CCSER1: variants seen among roughly 807,000 people sequenced by gnomAD.
CCSER1 encodes coiled-coil serine rich protein 1, also known as serine-rich coiled-coil domain-containing protein 1.
A neutral mutation model predicts 82.0 loss-of-function variants in CCSER1; 41 were observed. The observed-to-expected ratio is 0.50, with a 90% CI of 0.39 to 0.65. CCSER1 has a LOEUF of 0.65. CCSER1 is among the 30% of genes least tolerant of loss of function. The probability of loss-of-function intolerance (pLI) is 0.00; values close to 1 mark genes in which losing one functional copy is unlikely to be tolerated. For synonymous variants in CCSER1, 414 were observed against 383.9 expected (o/e 1.08, Z -0.92); for missense variants, 1,119 against 1,064.2 (o/e 1.05, Z -0.72).
At chr4:90,305,550 G>A (rs928224975) in intron 1 of CCSER1, among the ~76,000 whole-genome samples, 1 of 152,130 alleles carries the variant, frequency 6.6e-6, no homozygotes, top group Non-Finnish European at 1.5e-5. Context: ...TCTAAGCTGT[G>A]AGGAAAATCA....
chr4:90,961,127 C>G (rs903024740), intron 9 of CCSER1, among the ~76,000 whole-genome samples: 1 of 152,146 alleles, frequency 6.6e-6, no homozygotes, highest in African/African-American at 2.4e-5. Context: ...GCTACTTTAT[C>G]CTGTTCTTTG....
At chr4:90,254,978 A>AACACACACACAC (rs142987718) in intron 1 of CCSER1, among the ~76,000 whole-genome samples, 1 of 143,018 alleles carries the variant, frequency 7.0e-6, no homozygotes, top group East Asian at 2.0e-4. Flanking sequence ...CATATATATC[A>AACACACACACAC]ACACACACAC....
intron 10 of CCSER1, among the ~76,000 whole-genome samples, chr4:91,253,245 T>G (rs953784391): frequency 6.6e-6 from 1 of 152,184 alleles, no homozygotes; most frequent in Non-Finnish European, 1.5e-5. Context: ...TGTTTTCTCT[T>G]CTTTATGATT....
chr4:90,650,376 G>A (rs111695765), intron 6 of CCSER1, among the ~76,000 whole-genome samples: 68 of 152,222 alleles, frequency 4.5e-4, no homozygotes, highest in African/African-American at 1.5e-3. Context: ...AATTGCAAAG[G>A]AAGTTCTTAA....
At chr4:91,309,834 AT>A (rs1338490833) in intron 10 of CCSER1, among the ~76,000 whole-genome samples, 1 of 151,960 alleles carries the variant, frequency 6.6e-6, no homozygotes, top group African/African-American at 2.4e-5. Flanking sequence ...ACGTTAGTGT[AT>A]TAGTTTCCCA....
chr4:90,730,497 T>C (rs983974963), intron 7 of CCSER1, among the ~76,000 whole-genome samples: 3 of 152,234 alleles, frequency 2.0e-5, no homozygotes, highest in African/African-American at 7.2e-5. Flanking sequence ...GGTATGTCGA[T>C]GTCAACAACA....
At chr4:90,203,345 C>G (rs879398339) in intron 1 of CCSER1, among the ~76,000 whole-genome samples, 1 of 152,200 alleles carries the variant, frequency 6.6e-6, no homozygotes, top group Non-Finnish European at 1.5e-5. Context: ...TATCCCTCTC[C>G]TAGCTCCCCA....
At chr4:90,935,865 TA>T (rs199979736) in intron 9 of CCSER1, among the ~76,000 whole-genome samples, 13 of 151,964 alleles carry the variant, frequency 8.6e-5, no homozygotes, top group African/African-American at 3.1e-4. Context: ...TCTTTTTAGT[TA>T]AAAAAAATAA....
intron 9 of CCSER1, among the ~76,000 whole-genome samples, chr4:91,059,554 G>A (rs1743782661): frequency 6.6e-6 from 1 of 151,000 alleles, no homozygotes; most frequent in Admixed American, 6.6e-5. Flanking sequence ...AATCAAACCA[G>A]TATAACAAAA....
chr4:91,329,080 C>A (rs902730248), intron 10 of CCSER1, among the ~76,000 whole-genome samples: 1 of 152,128 alleles, frequency 6.6e-6, no homozygotes, highest in African/African-American at 2.4e-5. Flanking sequence ...ATTACCCAGT[C>A]TCAGTTTTAT....
chr4:91,261,583 T>C (rs1484176852), intron 10 of CCSER1, among the ~76,000 whole-genome samples: 1 of 152,148 alleles, frequency 6.6e-6, no homozygotes, highest in Non-Finnish European at 1.5e-5. Flanking sequence ...GCTTCCCTCC[T>C]TCCACAAATA....
chr4:90,345,651 C>T (rs940150160), intron 3 of CCSER1, among the ~76,000 whole-genome samples: 5 of 151,900 alleles, frequency 3.3e-5, no homozygotes, highest in African/African-American at 7.2e-5. Flanking sequence ...TTAACAAAAA[C>T]GTTTATTGAA....
intron 3 of CCSER1, among the ~76,000 whole-genome samples, chr4:90,313,694 G>A (rs953411449): frequency 6.6e-6 from 1 of 152,092 alleles, no homozygotes; most frequent in African/African-American, 2.4e-5. Flanking sequence ...AGAGGCATTA[G>A]TATGAAGCTC....
chr4:91,327,177 C>A (rs1460591648), intron 10 of CCSER1, among the ~76,000 whole-genome samples: 1 of 152,216 alleles, frequency 6.6e-6, no homozygotes, highest in Admixed American at 6.5e-5. Context: ...TTCCCCTCTG[C>A]ACTTCCCTAG....
chr4:90,816,590 G>T (rs1759050176), intron 8 of CCSER1, among the ~76,000 whole-genome samples: 2 of 151,866 alleles, frequency 1.3e-5, no homozygotes, highest in Non-Finnish European at 2.9e-5. Context: ...TAAATAGAAA[G>T]AAATAAGAAG....
chr4:90,574,561 C>T (rs1477172589), intron 5 of CCSER1, among the ~76,000 whole-genome samples: 1 of 151,858 alleles, frequency 6.6e-6, no homozygotes. Context: ...AGCCACCGCG[C>T]CTGGCCCGAA....
chr4:91,343,884 T>C (rs772028921), intron 10 of CCSER1, among the ~76,000 whole-genome samples: 1 of 152,178 alleles, frequency 6.6e-6, no homozygotes, highest in Non-Finnish European at 1.5e-5. Context: ...GAAATGAGAT[T>C]TTCTCTACAC....
chr4:91,081,299 G>T (rs2148801618), intron 9 of CCSER1, among the ~76,000 whole-genome samples: 1 of 152,226 alleles, frequency 6.6e-6, no homozygotes, highest in Admixed American at 6.5e-5. Context: ...CAGAACCAAA[G>T]ACAAAAACCA....
intron 10 of CCSER1, among the ~76,000 whole-genome samples, chr4:91,418,226 C>T (rs1172372449): frequency 7.1e-6 from 1 of 140,970 alleles, no homozygotes; most frequent in African/African-American, 2.7e-5. Context: ...AGAAATAATA[C>T]AGATTAGAAC....
Sources: allele counts gnomAD v4.1 joint callset (sites outside exome capture counted in the v4.1 genomes callset), GRCh38; gene constraint gnomAD v4.1.1; transcripts MANE v1.5; gene names NCBI Gene and HGNC (gene_info 2026-07-23, HGNC 2026-07-21).